The following GUCY1A2 variants were observed in gnomAD, a reference collection of about 807,000 sequenced individuals.
The protein encoded by GUCY1A2 is guanylate cyclase soluble subunit alpha-2.
A neutral mutation model predicts 63.5 loss-of-function variants in GUCY1A2; 27 were observed. The ratio of observed to expected loss-of-function variants is 0.43; its 90% CI spans 0.31 to 0.59. The LOEUF is 0.59. Ranked by LOEUF, GUCY1A2 falls within the 20% of genes least tolerant of loss-of-function variation. The pLI, the probability that GUCY1A2 is intolerant of heterozygous loss-of-function variation, is 0.11. For missense variants in GUCY1A2, 768 were observed against 913.3 expected, an observed-to-expected ratio of 0.84 and a Z score of 2.05; for synonymous variants, 364 against 343.5, an observed-to-expected ratio of 1.06 and a Z score of -0.66.
chr11:106,978,130 C>T (rs1861286755), intron 3 of GUCY1A2, among the ~76,000 whole-genome samples: 1 of 152,076 alleles, frequency 6.6e-6, no homozygotes, highest in Non-Finnish European at 1.5e-5. Context: ...TGGACACTCC[C>T]CTAACCCCAA....
intron 6 of GUCY1A2, among the ~76,000 whole-genome samples, chr11:106,736,562 G>A (rs1049011960): frequency 4.6e-5 from 7 of 152,048 alleles, no homozygotes; most frequent in Non-Finnish European, 8.8e-5. Context: ...GTCAGGTAAT[G>A]TAATTTCTCC....
At chr11:106,962,426 G>A (rs926331567) in intron 3 of GUCY1A2, among the ~76,000 whole-genome samples, 1 of 151,590 alleles carries the variant, frequency 6.6e-6, no homozygotes, top group Non-Finnish European at 1.5e-5. Flanking sequence ...GTGGTAGCAT[G>A]TGCCTGTAGT....
chr11:106,761,232 A>C (rs1054139854), intron 6 of GUCY1A2, among the ~76,000 whole-genome samples: 1 of 152,192 alleles, frequency 6.6e-6, no homozygotes, highest in Non-Finnish European at 1.5e-5. Flanking sequence ...TCTTTTTATC[A>C]TGTATGAAAT....
chr11:106,830,910 A>T (rs1859042041), intron 4 of GUCY1A2, among the ~76,000 whole-genome samples: 3 of 152,206 alleles, frequency 2.0e-5, no homozygotes. Context: ...AAGCATTATG[A>T]CAATGATAAT....
rs562884385 is a variant in GUCY1A2, at chr11:106,850,103, C to A, written c.1207-39625G>T. Among the ~76,000 whole-genome samples, 3 of 151,796 alleles carry A rather than the reference C, an allele frequency of 2.0e-5. No homozygotes were observed. The South Asian group carries it at 6.2e-4, about 31-fold the overall frequency. On this transcript the variant is annotated intron_variant, in intron 4 of 7. Coordinates refer to ENST00000526355, the MANE Select transcript of GUCY1A2 (RefSeq NM_000855.3). ...TACTAATCTAGTCTTCACAGATTTG[C>A]CCATTCTGATGTTTCATATAAATGG... is the stretch of plus-strand genomic sequence containing the variant.
intron 2 of GUCY1A2, among the ~76,000 whole-genome samples, chr11:106,985,262 T>A (rs979024931): frequency 1.3e-5 from 2 of 152,202 alleles, no homozygotes; most frequent in Non-Finnish European, 2.9e-5. Context: ...ACTAACAAGG[T>A]AAATTAAAAT....
chr11:106,841,284 G>A (rs963829989), intron 4 of GUCY1A2, among the ~76,000 whole-genome samples: 1 of 151,786 alleles, frequency 6.6e-6, no homozygotes, highest in African/African-American at 2.4e-5. Flanking sequence ...CTTCGAGGAG[G>A]CTTTTTTGGC....
At chr11:106,960,197 C>G (rs1470566570) in intron 3 of GUCY1A2, among the ~76,000 whole-genome samples, 1 of 149,936 alleles carries the variant, frequency 6.7e-6, no homozygotes. Flanking sequence ...ATAAACAGCA[C>G]TAAGCTGTTA....
At chr11:106,964,260 T>G (rs1173955577) in intron 3 of GUCY1A2, among the ~76,000 whole-genome samples, 1 of 152,270 alleles carries the variant, frequency 6.6e-6, no homozygotes, top group Non-Finnish European at 1.5e-5. Context: ...TACAGGATCA[T>G]GCTTTGCATT....
chr11:106,982,676 A>G (rs1365111265), intron 2 of GUCY1A2, among the ~76,000 whole-genome samples: 3 of 152,204 alleles, frequency 2.0e-5, no homozygotes, highest in Non-Finnish European at 2.9e-5. Flanking sequence ...TATATAAAGA[A>G]TAAGCCGTGC....
intron 6 of GUCY1A2, among the ~76,000 whole-genome samples, chr11:106,743,590 T>A (rs1036733391): frequency 1.3e-5 from 2 of 152,210 alleles, no homozygotes; most frequent in African/African-American, 4.8e-5. Flanking sequence ...GTGGTTTCCA[T>A]GACTAGAGGG....
chr11:106,906,193 A>G (rs1335869165), intron 4 of GUCY1A2, among the ~76,000 whole-genome samples: 2 of 152,164 alleles, frequency 1.3e-5, no homozygotes, highest in Non-Finnish European at 2.9e-5. Flanking sequence ...CAATCTATCC[A>G]TCTGACAAAG....
intron 6 of GUCY1A2, among the ~76,000 whole-genome samples, chr11:106,724,717 G>A (rs1482975734): frequency 6.6e-6 from 1 of 152,094 alleles, no homozygotes; most frequent in Non-Finnish European, 1.5e-5. Flanking sequence ...TACTCTCGCA[G>A]CTTTCATATC....
At chr11:106,770,182 GTGT>G (rs1387639652) in intron 6 of GUCY1A2, among the ~76,000 whole-genome samples, 1 of 152,018 alleles carries the variant, frequency 6.6e-6, no homozygotes, top group Non-Finnish European at 1.5e-5. Context: ...ATATTAAGTA[GTGT>G]TGTACATGCA....
chr11:106,946,253 A>G (rs1205105885), intron 3 of GUCY1A2, among the ~76,000 whole-genome samples: 9 of 152,196 alleles, frequency 5.9e-5, no homozygotes, highest in African/African-American at 2.2e-4. Context: ...TACTAAGAGA[A>G]AAAGGAAGAT....
At chr11:106,843,793 T>A (rs1363675760) in intron 4 of GUCY1A2, among the ~76,000 whole-genome samples, 1 of 151,950 alleles carries the variant, frequency 6.6e-6, no homozygotes, top group South Asian at 2.1e-4. Context: ...TTCTTACTAC[T>A]TTACTGATTC....
chr11:106,709,282 T>C (rs1443309517), intron 6 of GUCY1A2, among the ~76,000 whole-genome samples: 1 of 53,986 alleles, frequency 1.9e-5, no homozygotes, highest in Non-Finnish European at 2.9e-5. Flanking sequence ...TATATATAAA[T>C]TTATATATAT....
intron 4 of GUCY1A2, among the ~76,000 whole-genome samples, chr11:106,910,644 G>A (rs150670875): frequency 2.0e-5 from 3 of 152,054 alleles, no homozygotes; most frequent in African/African-American, 7.2e-5. Flanking sequence ...ACTATAAAAT[G>A]TGAATGGAAA....
chr11:106,865,616 C>T (rs1859581355), intron 4 of GUCY1A2, among the ~76,000 whole-genome samples: 1 of 151,810 alleles, frequency 6.6e-6, no homozygotes, highest in Non-Finnish European at 1.5e-5. Flanking sequence ...CACATGGACA[C>T]AGGGAGGGGA....
Sources: gnomAD v4.1 joint callset for allele counts (sites outside exome capture counted in the v4.1 genomes callset) on GRCh38, gnomAD v4.1.1 for gene constraint, MANE v1.5 for transcripts, NCBI Gene and HGNC (gene_info 2026-07-23, HGNC 2026-07-21) for gene names.